Variants in PDE7B observed in about 807,000 individuals in gnomAD.
PDE7B encodes 3',5'-cyclic-AMP phosphodiesterase 7B.
Under a neutral mutation model 56.2 loss-of-function variants are expected in PDE7B, and 29 were observed. That is an observed-to-expected ratio of 0.52 (90% CI 0.38 to 0.70). PDE7B has a LOEUF of 0.70. PDE7B is among the 30% of genes least tolerant of loss of function. PDE7B has a pLI of 0.00. For synonymous variants in PDE7B, 197 were observed against 196.9 expected (o/e 1.00, Z 0.00); for missense variants, 490 against 565.0 (o/e 0.87, Z 1.35).
At chr6:135,931,655 C>A (rs1374100074) in intron 1 of PDE7B, among the ~76,000 whole-genome samples, 1 of 152,124 alleles carries the variant, frequency 6.6e-6, no homozygotes, top group Non-Finnish European at 1.5e-5. Context: ...AATGTCTCCT[C>A]TCTTAACAAC....
chr6:135,915,961 G>C (rs922082433), intron 1 of PDE7B, among the ~76,000 whole-genome samples: 1 of 152,186 alleles, frequency 6.6e-6, no homozygotes, highest in African/African-American at 2.4e-5. Flanking sequence ...CCTGTTGATA[G>C]GCACTTAGTT....
chr6:136,155,521 G>C (rs1778588454), intron 7 of PDE7B, 106 bp from the exon 8 acceptor site: 1 of 936,126 alleles, frequency 1.1e-6, no homozygotes, highest in Admixed American at 2.1e-5. Context: ...TGGCTGATAG[G>C]CTTAAACAAT....
At chr6:135,981,136 G>A (rs1385460222) in intron 2 of PDE7B, among the ~76,000 whole-genome samples, 6 of 151,818 alleles carry the variant, frequency 4.0e-5, no homozygotes, top group African/African-American at 1.5e-4. Context: ...CCTTTGTGGG[G>A]ACATGGATGA....
rs373080313 is a variant in PDE7B at position 135,957,158 on chromosome 6, G to A, written c.82+9634G>A. Among the ~76,000 whole-genome samples the A allele has an allele frequency of 1.1e-4, 16 of 152,224 alleles. 1 individual carries two copies. Among genetic ancestry groups the A allele is most frequent in the Admixed American group, 5.2e-4 (8 of 15,284 alleles). ...GATAGAGACAGGTGTGCCTGGGTCCGGCCAGGCAGAGCTGGAAGAGTTTCC... is the reference window on the plus strand; with the variant it reads ...GATAGAGACAGGTGTGCCTGGGTCCAGCCAGGCAGAGCTGGAAGAGTTTCC... On this transcript the variant is annotated intron_variant, in intron 2 of 12. Transcript: ENST00000308191.
chr6:136,155,887 C>A, intron 8 of PDE7B, 129 bp downstream of exon 8: 1 of 980,246 alleles, frequency 1.0e-6, no homozygotes, highest in Non-Finnish European at 1.6e-6. Flanking sequence ...GAATGAAACA[C>A]AATCTCTGCC....
chr6:136,171,618 C>T (rs1248832939), intron 8 of PDE7B, among the ~76,000 whole-genome samples: 2 of 151,958 alleles, frequency 1.3e-5, no homozygotes, highest in African/African-American at 4.8e-5. Flanking sequence ...CCATTACTAC[C>T]TATTTCACTG....
intron 2 of PDE7B, among the ~76,000 whole-genome samples, chr6:135,978,861 C>A (rs1775240397): frequency 6.6e-6 from 1 of 151,888 alleles, no homozygotes; most frequent in Non-Finnish European, 1.5e-5. Flanking sequence ...TGATTGAATA[C>A]CCTTTATTTC....
At chr6:136,151,437 A>G (rs1778511588) in intron 6 of PDE7B, among the ~76,000 whole-genome samples, 182 bp downstream of exon 6, 1 of 152,094 alleles carries the variant, frequency 6.6e-6, no homozygotes, top group Non-Finnish European at 1.5e-5. Context: ...AAAATTGTTT[A>G]CTTGATTACA....
intron 2 of PDE7B, among the ~76,000 whole-genome samples, chr6:135,962,693 A>G (rs1406757091): frequency 6.6e-6 from 1 of 152,128 alleles, no homozygotes; most frequent in Non-Finnish European, 1.5e-5. Flanking sequence ...ATAAATAGAG[A>G]GGTGGTTGTG....
At chr6:136,083,863 G>A (rs886368238) in intron 2 of PDE7B, among the ~76,000 whole-genome samples, 1 of 151,766 alleles carries the variant, frequency 6.6e-6, no homozygotes, top group Non-Finnish European at 1.5e-5. Flanking sequence ...AAAGCCATAA[G>A]CTCATCAGAT....
intron 1 of PDE7B, among the ~76,000 whole-genome samples, chr6:135,853,831 T>C (rs1358497102): frequency 6.6e-6 from 1 of 152,220 alleles, no homozygotes; most frequent in Non-Finnish European, 1.5e-5. Context: ...CATCATTTAA[T>C]GCCTTACACA....
intron 1 of PDE7B, among the ~76,000 whole-genome samples, chr6:135,872,989 C>T (rs931696190): frequency 2.0e-5 from 3 of 152,022 alleles, no homozygotes; most frequent in Admixed American, 2.0e-4. Context: ...CTATCTTGAA[C>T]TTAGGGATGA....
chr6:136,014,753 A>G (rs1775947827), intron 2 of PDE7B, among the ~76,000 whole-genome samples: 1 of 152,204 alleles, frequency 6.6e-6, no homozygotes, highest in African/African-American at 2.4e-5. Context: ...AAAATGAAAT[A>G]TTGGTGATTT....
At chr6:135,936,574 G>GT (rs1428790104) in intron 1 of PDE7B, among the ~76,000 whole-genome samples, 7 of 152,164 alleles carry the variant, frequency 4.6e-5, no homozygotes, top group Admixed American at 2.6e-4. Context: ...GCTGCACATT[G>GT]TATCAGGCTC....
At chr6:136,060,314 C>T (rs1776815229) in intron 2 of PDE7B, among the ~76,000 whole-genome samples, 1 of 152,058 alleles carries the variant, frequency 6.6e-6, no homozygotes, top group Non-Finnish European at 1.5e-5. Context: ...TTTTCCTCTC[C>T]TTGTACTTTC....
chr6:136,044,574 C>G (rs990556540), intron 2 of PDE7B: 6 of 152,066 alleles, frequency 3.9e-5, no homozygotes, highest in African/African-American at 1.4e-4. Flanking sequence ...AAGTTCAGAA[C>G]TATTAAAAAA....
intron 2 of PDE7B, among the ~76,000 whole-genome samples, chr6:135,971,245 G>A (rs936566425): frequency 2.6e-5 from 4 of 152,120 alleles, no homozygotes; most frequent in African/African-American, 7.2e-5. Context: ...GGCAGTCATC[G>A]ACAAGCCAAA....
chr6:136,075,865 T>C (rs1275320752), intron 2 of PDE7B, among the ~76,000 whole-genome samples: 7 of 152,204 alleles, frequency 4.6e-5, no homozygotes, highest in African/African-American at 1.7e-4. Flanking sequence ...ATTACTCCTT[T>C]ACCTAGGATC....
intron 8 of PDE7B, among the ~76,000 whole-genome samples, chr6:136,166,679 C>T (rs574596731): frequency 3.9e-5 from 6 of 152,244 alleles, no homozygotes; most frequent in East Asian, 1.9e-4. Flanking sequence ...AAACCACACT[C>T]ATAATCCAAT....
Sources: allele counts gnomAD v4.1 joint callset (sites outside exome capture counted in the v4.1 genomes callset), GRCh38; gene constraint gnomAD v4.1.1; transcripts MANE v1.5; gene names NCBI Gene and HGNC (gene_info 2026-07-23, HGNC 2026-07-21).